CACNG4: variants seen among roughly 807,000 people sequenced by gnomAD.
CACNG4 encodes the protein voltage-dependent calcium channel gamma-4 subunit.
In CACNG4, 8 loss-of-function variants were observed where a neutral mutation model predicts 22.9. The observed-to-expected ratio is 0.35, with a 90% confidence interval of 0.21 to 0.63. CACNG4 has a LOEUF of 0.63. Ranked by LOEUF, CACNG4 falls within the 30% of genes least tolerant of loss-of-function variation. The pLI, the probability that CACNG4 is intolerant of heterozygous loss-of-function variation, is 0.72. For synonymous variants in CACNG4, 188 were observed against 191.9 expected, an observed-to-expected ratio of 0.98 and a Z score of 0.17; for missense variants, 357 against 455.4, an observed-to-expected ratio of 0.78 and a Z score of 1.97.
At chr17:67,023,574 C>CT (rs2035545180) in intron 2 of CACNG4, among the ~76,000 whole-genome samples, 1 of 87,092 alleles carries the variant, frequency 1.1e-5, no homozygotes, top group Non-Finnish European at 2.8e-5. Context: ...CGCGCCCAGC[C>CT]CTTTTTTTTT....
At chr17:66,991,866 A>C (rs773573132) in intron 1 of CACNG4, among the ~76,000 whole-genome samples, 2 of 151,920 alleles carry the variant, frequency 1.3e-5, no homozygotes, top group African/African-American at 4.8e-5. Context: ...CTGCAGGCCG[A>C]CCTCTCTTCA....
At chr17:66,973,365 A>C (rs1319654800) in intron 1 of CACNG4, among the ~76,000 whole-genome samples, 1 of 152,176 alleles carries the variant, frequency 6.6e-6, no homozygotes, top group African/African-American at 2.4e-5. Flanking sequence ...TTCCCTACCC[A>C]CAATGCCCAG....
intron 3 of CACNG4, among the ~76,000 whole-genome samples, chr17:67,026,236 T>C (rs1424840960): frequency 6.7e-6 from 1 of 148,720 alleles, no homozygotes; most frequent in Non-Finnish European, 1.5e-5. Context: ...AAGAGTGTGG[T>C]GTGTATATTT....
intron 1 of CACNG4, among the ~76,000 whole-genome samples, chr17:66,972,492 G>A (rs1263146965): frequency 2.6e-5 from 4 of 152,228 alleles, no homozygotes; most frequent in African/African-American, 9.6e-5. Flanking sequence ...CTTTGCATAT[G>A]TCCCTGGAGG....
At chr17:66,992,894 GT>G (rs1157081829) in intron 1 of CACNG4, among the ~76,000 whole-genome samples, 4 of 152,242 alleles carry the variant, frequency 2.6e-5, no homozygotes, top group Non-Finnish European at 5.9e-5. Flanking sequence ...ATCTGCCCTC[GT>G]TTGGGCCATA....
chr17:67,014,943 C>CAAAAA (rs1163062678), intron 1 of CACNG4, among the ~76,000 whole-genome samples: 3 of 95,362 alleles, frequency 3.1e-5, no homozygotes, highest in African/African-American at 8.9e-5. Flanking sequence ...TCTCCAAAAA[C>CAAAAA]AAAAAAAAAA....
At chr17:66,991,147 TG>T (rs1567753047) in intron 1 of CACNG4, among the ~76,000 whole-genome samples, 1 of 151,946 alleles carries the variant, frequency 6.6e-6, no homozygotes, top group Non-Finnish European at 1.5e-5. Flanking sequence ...AAAACACAGG[TG>T]GGTGGTGCAG....
intron 1 of CACNG4, among the ~76,000 whole-genome samples, chr17:66,999,346 C>G (rs58034861): frequency 0.17 from 26,150 of 151,976 alleles, 4,553 homozygotes; most frequent in African/African-American, 0.44. Flanking sequence ...CCCAGGGCAC[C>G]GCCCCCACAG....
intron 1 of CACNG4, among the ~76,000 whole-genome samples, chr17:66,981,781 G>T (rs1416458937): frequency 1.3e-5 from 2 of 152,206 alleles, no homozygotes; most frequent in Non-Finnish European, 2.9e-5. Flanking sequence ...CTGAGCCCTT[G>T]CTATGCACCA....
rs368283501 is a variant in CACNG4, at chr17:67,021,160, C to T, written c.304+2888C>T. The stretch of plus-strand genomic sequence containing the variant: ...AGGCTGCAGTGAGCCACGATCGTGC[C>T]ACTGCACTCCAGCCTGCATGACAGA... On this transcript the variant is annotated intron_variant, in intron 2 of 3. Transcript: ENST00000262138. 2.1e-4 allele frequency among the ~76,000 whole-genome samples: 32 copies of T among 151,960 alleles called. No homozygotes were observed. The East Asian group carries it at 4.8e-3, about 23-fold the overall frequency.
chr17:67,008,567 C>T (rs1192872929), intron 1 of CACNG4, among the ~76,000 whole-genome samples: 1 of 152,172 alleles, frequency 6.6e-6, no homozygotes, highest in Non-Finnish European at 1.5e-5. Flanking sequence ...GCTCCAAATC[C>T]TGGGTTATGG....
At position 67,009,350 on chromosome 17, in the gene CACNG4, T is replaced by C. The variant is rs2035455088; in HGVS notation, c.221-8839T>C. On this transcript the variant is annotated intron_variant, in intron 1 of 3. Coordinates refer to ENST00000262138, the MANE Select transcript of CACNG4 (RefSeq NM_014405.4). ...AATGATCTTGGCCAAGTCACTTCCATCCTGGCCTCCAGTCCCTCTTCTGAA... is the reference window on the plus strand; with the variant it reads ...AATGATCTTGGCCAAGTCACTTCCACCCTGGCCTCCAGTCCCTCTTCTGAA... Among the ~76,000 whole-genome samples the C allele has an allele frequency of 5.3e-5, 8 of 150,028 alleles. No homozygotes were observed. In the South Asian group the frequency reaches 1.7e-3, roughly 32 times the overall value.
In CACNG4 at chr17:67,029,988, C is replaced by T. The variant is rs7216791; in HGVS notation, c.446-478C>T. 5.8e-3 allele frequency among the ~76,000 whole-genome samples: 886 copies of T among 152,298 alleles called. 7 individuals carry two copies. Among genetic ancestry groups the T allele is most frequent in the African/African-American group, 0.02 (847 of 41,564 alleles). On this transcript the variant is annotated intron_variant, in intron 3 of 3. Coordinates refer to ENST00000262138, the MANE Select transcript of CACNG4 (RefSeq NM_014405.4). ...GGGCAGGGAGCACCCAGACATCTCC[C>T]GTAAAGGCCTGGTTAGGTGGGTCGT...
chr17:66,977,804 T>G (rs1426663321), intron 1 of CACNG4, among the ~76,000 whole-genome samples: 1 of 152,194 alleles, frequency 6.6e-6, no homozygotes, highest in East Asian at 1.9e-4. Context: ...GGGCACCTGC[T>G]GAGTGCCTGG....
At chr17:66,973,901 G>A (rs183877527) in intron 1 of CACNG4, among the ~76,000 whole-genome samples, 2 of 152,242 alleles carry the variant, frequency 1.3e-5, no homozygotes, top group Non-Finnish European at 2.9e-5. Context: ...ACTCCGGGAA[G>A]TGCTGCGCGA....
rs116234612 is a variant in CACNG4 at position 66,992,497 on chromosome 17, C to T, written c.221-25692C>T. 6.6e-3 allele frequency among the ~76,000 whole-genome samples: 1,011 copies of T among 152,338 alleles called. 6 individuals carry two copies. Among genetic ancestry groups the T allele is most frequent in the African/African-American group, 0.023 (959 of 41,584 alleles). ...ACAAAACAAACCTGGCACTACCCAC[C>T]AGCACACCCACCTTTCTAGAAGGGG... is the stretch of plus-strand genomic sequence containing the variant. On this transcript the variant is annotated intron_variant, in intron 1 of 3. Transcript: ENST00000262138.
intron 1 of CACNG4, among the ~76,000 whole-genome samples, chr17:67,014,744 C>T (rs1406772791): frequency 3.3e-5 from 5 of 152,078 alleles, no homozygotes; most frequent in Admixed American, 2.6e-4. Flanking sequence ...CAAGACCAGC[C>T]TAACCAACAT....
intron 1 of CACNG4, among the ~76,000 whole-genome samples, chr17:66,982,239 C>T (rs892463984): frequency 5.9e-5 from 9 of 152,170 alleles, no homozygotes; most frequent in South Asian, 2.1e-4. Context: ...TATTTGTCCC[C>T]GCCCATGTCC....
In CACNG4 at chr17:67,030,347, A is replaced by T; in HGVS notation, c.446-119A>T. On this transcript the variant is annotated intron_variant, in intron 3 of 3. Transcript: ENST00000262138. This position sits in a 1 kb window ranked among gnomAD's most constrained non-coding sequence, Gnocchi z 6.4. ...AGAAAAATTAGCAACCAGAATAAAGAAATACTCATCAGAGAGGGGAGTGTC... is the reference window on the plus strand; with the variant it reads ...AGAAAAATTAGCAACCAGAATAAAGTAATACTCATCAGAGAGGGGAGTGTC... 1 of 813,186 alleles carries T rather than the reference A, an allele frequency of 1.2e-6. No homozygotes were observed. Among genetic ancestry groups the T allele is most frequent in the East Asian group, 2.4e-5 (1 of 40,994 alleles). 50.4% of individuals were successfully genotyped at this position (813,186 alleles called of 1,614,324 possible).
Sources: allele counts gnomAD v4.1 joint callset (sites outside exome capture counted in the v4.1 genomes callset), GRCh38; gene constraint gnomAD v4.1.1; non-coding constraint Gnocchi (gnomAD v3.1); transcripts MANE v1.5; gene names NCBI Gene and HGNC (gene_info 2026-07-23, HGNC 2026-07-21).